Variants in KCNIP4 observed in about 807,000 individuals in gnomAD.
KCNIP4 encodes Kv channel-interacting protein 4.
A neutral mutation model predicts 34.0 loss-of-function variants in KCNIP4; 12 were observed. That is an observed-to-expected ratio of 0.35 (90% confidence interval 0.23 to 0.57). The LOEUF (loss-of-function observed/expected upper bound fraction) is 0.57, where lower values mean the gene tolerates loss of function less well. KCNIP4 is among the 20% of genes least tolerant of loss of function. KCNIP4 has a pLI of 0.83. For synonymous variants in KCNIP4, 124 were observed against 102.2 expected (o/e 1.21, Z -1.29); for missense variants, 238 against 311.7 (o/e 0.76, Z 1.78).
intron 1 of KCNIP4, among the ~76,000 whole-genome samples, chr4:21,227,934 GT>G (rs1758520859): frequency 6.6e-6 from 1 of 152,104 alleles, no homozygotes; most frequent in Admixed American, 6.6e-5. Flanking sequence ...TGAAGGATCA[GT>G]TTTGTTCCTT....
At chr4:21,294,362 C>T (rs1218690628) in intron 1 of KCNIP4, among the ~76,000 whole-genome samples, 1 of 152,098 alleles carries the variant, frequency 6.6e-6, no homozygotes, top group South Asian at 2.1e-4. Flanking sequence ...AGCCTGGTTC[C>T]CAGCCTCACT....
intron 1 of KCNIP4, among the ~76,000 whole-genome samples, chr4:21,169,041 C>T (rs1753821869): frequency 6.6e-6 from 1 of 152,194 alleles, no homozygotes; most frequent in South Asian, 2.1e-4. Flanking sequence ...GTTGCATTCA[C>T]AGGTACATTT....
intron 1 of KCNIP4, among the ~76,000 whole-genome samples, chr4:21,641,617 G>A (rs1306780000): frequency 6.6e-6 from 1 of 152,160 alleles, no homozygotes; most frequent in African/African-American, 2.4e-5. Context: ...TGAAAATCAT[G>A]AAGATATTTG....
At chr4:21,054,231 C>T (rs977885406) in intron 1 of KCNIP4, among the ~76,000 whole-genome samples, 1 of 151,936 alleles carries the variant, frequency 6.6e-6, no homozygotes, top group Non-Finnish European at 1.5e-5. Flanking sequence ...AGACAATAAA[C>T]AAAGAGGCTG....
intron 1 of KCNIP4, among the ~76,000 whole-genome samples, chr4:21,384,953 A>C (rs531586010): frequency 6.6e-6 from 1 of 152,168 alleles, no homozygotes; most frequent in African/African-American, 2.4e-5. Context: ...TGTCATTAAG[A>C]GGGGCGCTTT....
intron 1 of KCNIP4, among the ~76,000 whole-genome samples, chr4:21,150,567 G>A (rs920537098): frequency 5.9e-5 from 9 of 152,212 alleles, no homozygotes; most frequent in Non-Finnish European, 1.0e-4. Context: ...GTGTTTGCAT[G>A]TATGCATTGG....
intron 1 of KCNIP4, among the ~76,000 whole-genome samples, chr4:21,408,721 C>T (rs1254506211): frequency 6.6e-6 from 1 of 152,172 alleles, no homozygotes; most frequent in Non-Finnish European, 1.5e-5. Context: ...CTTTTAGATT[C>T]AACAACCAAG....
intron 3 of KCNIP4, among the ~76,000 whole-genome samples, chr4:20,833,159 T>C (rs1431056202): frequency 6.6e-6 from 1 of 152,254 alleles, no homozygotes; most frequent in Non-Finnish European, 1.5e-5. Flanking sequence ...ACCTATTACA[T>C]GTGAAGGCAT....
chr4:21,702,755 A>T (rs572779006), intron 1 of KCNIP4, among the ~76,000 whole-genome samples: 7 of 152,254 alleles, frequency 4.6e-5, no homozygotes, highest in African/African-American at 1.7e-4. Flanking sequence ...TTTTATGAGT[A>T]CAGTATTGGC....
chr4:20,981,898 G>A (rs1269026400), intron 1 of KCNIP4, among the ~76,000 whole-genome samples: 1 of 152,104 alleles, frequency 6.6e-6, no homozygotes, highest in Admixed American at 6.5e-5. Flanking sequence ...GATATGGATA[G>A]GAATATGATT....
chr4:21,840,431 A>C (rs1723607481), intron 1 of KCNIP4, among the ~76,000 whole-genome samples: 1 of 152,096 alleles, frequency 6.6e-6, no homozygotes, highest in South Asian at 2.1e-4. Context: ...GCTCTTGCTA[A>C]ATATGCATTT....
intron 1 of KCNIP4, among the ~76,000 whole-genome samples, chr4:21,896,361 A>C (rs1275085249): frequency 6.6e-6 from 1 of 152,184 alleles, no homozygotes; most frequent in African/African-American, 2.4e-5. Context: ...AGACTACAGA[A>C]GGACAAAGTA....
chr4:21,171,580 C>A (rs765450447), intron 1 of KCNIP4, among the ~76,000 whole-genome samples: 1 of 152,172 alleles, frequency 6.6e-6, no homozygotes. Flanking sequence ...ATCCCTCTGT[C>A]AGAAGAATCC....
At position 21,025,216 on chromosome 4, in the gene KCNIP4, C is replaced by T. The variant is rs542834263; in HGVS notation, c.62-142507G>A. On this transcript the variant is annotated intron_variant, in intron 1 of 8. Transcript: ENST00000382152. ...TGTCATTTAGGGTTTGTCTGACCCC[C>T]ATACAGGTGAGGTAGGGGAGGAAGA... is the stretch of plus-strand genomic sequence containing the variant. 4.6e-5 allele frequency among the ~76,000 whole-genome samples: 7 copies of T among 152,224 alleles called. No homozygotes were observed. The East Asian group carries it at 1.4e-3, about 29-fold the overall frequency.
intron 2 of KCNIP4, among the ~76,000 whole-genome samples, chr4:20,861,056 A>T (rs182873504): frequency 1.3e-5 from 2 of 152,244 alleles, no homozygotes; most frequent in East Asian, 3.9e-4. Context: ...CATGATAATC[A>T]GCTGAGGAAA....
intron 1 of KCNIP4, among the ~76,000 whole-genome samples, chr4:21,926,125 G>GC (rs1392904535): frequency 6.6e-6 from 1 of 152,156 alleles, no homozygotes; most frequent in Non-Finnish European, 1.5e-5. Context: ...GATTCACTGA[G>GC]CTATATACAG....
At chr4:20,984,205 C>A (rs1329354421) in intron 1 of KCNIP4, among the ~76,000 whole-genome samples, 1 of 152,204 alleles carries the variant, frequency 6.6e-6, no homozygotes. Flanking sequence ...AGCCAGCGGG[C>A]GAGTACTTCG....
At chr4:21,733,873 T>G (rs1051294266) in intron 1 of KCNIP4, among the ~76,000 whole-genome samples, 3 of 152,226 alleles carry the variant, frequency 2.0e-5, no homozygotes, top group Admixed American at 2.0e-4. Context: ...TTCCCATCAA[T>G]GCATATGACA....
At chr4:21,731,030 C>T (rs948715194) in intron 1 of KCNIP4, among the ~76,000 whole-genome samples, 4 of 151,684 alleles carry the variant, frequency 2.6e-5, no homozygotes, top group Admixed American at 2.6e-4. Context: ...TGGAGTATCA[C>T]CTGAGCCTAG....
Sources: allele counts gnomAD v4.1 joint callset (sites outside exome capture counted in the v4.1 genomes callset), GRCh38; gene constraint gnomAD v4.1.1; transcripts MANE v1.5; gene names NCBI Gene and HGNC (gene_info 2026-07-23, HGNC 2026-07-21).